SLC9B1: variants seen among roughly 807,000 people sequenced by gnomAD.
SLC9B1 encodes the protein sodium/hydrogen exchanger 9B1.
SLC9B1 carries 32 observed loss-of-function variants against 51.7 expected under a neutral mutation model. The ratio of observed to expected loss-of-function variants is 0.62; its 90% CI spans 0.47 to 0.83. The LOEUF (loss-of-function observed/expected upper bound fraction) is 0.83. SLC9B1 is among the 40% of genes least tolerant of loss of function. SLC9B1 has a pLI of 0.00. For synonymous variants in SLC9B1, 145 were observed against 212.7 expected (o/e 0.68, Z 2.77); for missense variants, 406 against 613.2 (o/e 0.66, Z 3.57).
At chr4:102,888,245 T>C (rs899967047) in intron 11 of SLC9B1, 1 of 152,254 alleles carries the variant, frequency 6.6e-6, no homozygotes, top group Non-Finnish European at 1.5e-5. Context: ...GATATTTTTC[T>C]CTTTTTAACA....
At chr4:102,990,459 C>G (rs919166047) in intron 2 of SLC9B1, among the ~76,000 whole-genome samples, 5 of 151,930 alleles carry the variant, frequency 3.3e-5, no homozygotes, top group African/African-American at 1.2e-4. Context: ...AAGGGTATAC[C>G]TTAATCTCCC....
At chr4:102,897,800 A>G (rs1734608706), downstream of SLC9B1, 6 of 457,466 alleles carry the variant, frequency 1.3e-5, no homozygotes, top group Non-Finnish European at 2.6e-5. Context: ...AACACAGACA[A>G]TAGGAGCACA....
chr4:102,985,092 A>T (rs1010176057), intron 3 of SLC9B1, among the ~76,000 whole-genome samples: 4 of 152,208 alleles, frequency 2.6e-5, no homozygotes, highest in Admixed American at 6.5e-5. Flanking sequence ...TTTATTCCTG[A>T]TAACACTCAT....
intron 7 of SLC9B1, among the ~76,000 whole-genome samples, chr4:102,919,034 C>CA (rs1664628196): frequency 6.6e-6 from 1 of 152,156 alleles, no homozygotes; most frequent in South Asian, 2.1e-4. Context: ...AGTGCAGTCC[C>CA]AAGACTGCAC....
chr4:102,991,700 T>G lies in SLC9B1; in HGVS notation c.12A>C (p.Thr4=). Residue 4 remains threonine (T), a synonymous_variant, in exon 2 of 12, where the codon ACA becomes ACC. Transcript: ENST00000296422. ...CCTCCAAATGTTCATTTTTTGATTC[T>G]GTGGTATGCATGCTAAGATTTAAAA... MHT[T]ESKNEHLEDE... The G allele has an allele frequency of 6.3e-7, 1 of 1,583,650 alleles. No homozygotes were observed. Among genetic ancestry groups the G allele is most frequent in the Non-Finnish European group, 8.6e-7 (1 of 1,162,754 alleles).
chr4:102,901,379 A>G, intron 11 of SLC9B1, 47 bp from the exon 12 acceptor site: 2 of 1,601,776 alleles, frequency 1.2e-6, no homozygotes, highest in Non-Finnish European at 1.7e-6. Flanking sequence ...TATTAAACTG[A>G]GTTGATATAT....
At chr4:103,015,011 T>C (rs1741247760) in intron 1 of SLC9B1, 1 of 152,200 alleles carries the variant, frequency 6.6e-6, no homozygotes, top group African/African-American at 2.4e-5. Context: ...TGTCTATTAT[T>C]ATTATTGTTA....
At chr4:103,005,659 T>C (rs1313714271) in intron 1 of SLC9B1, among the ~76,000 whole-genome samples, 1 of 152,194 alleles carries the variant, frequency 6.6e-6, no homozygotes, top group Non-Finnish European at 1.5e-5. Context: ...TATACATTAT[T>C]CTCATCTGCA....
intron 1 of SLC9B1, among the ~76,000 whole-genome samples, chr4:103,001,350 C>A (rs1409930855): frequency 6.6e-6 from 1 of 152,238 alleles, no homozygotes; most frequent in African/African-American, 2.4e-5. Context: ...TTGAACTTCT[C>A]CCCCAAAAAT....
At chr4:102,934,072 A>C (rs1014722948) in intron 6 of SLC9B1, among the ~76,000 whole-genome samples, 20 of 152,186 alleles carry the variant, frequency 1.3e-4, no homozygotes, top group African/African-American at 4.6e-4. Flanking sequence ...TGCCCGGCCA[A>C]AGCCTCAATA....
rs1280628845 is a variant in SLC9B1 at position 102,904,984 on chromosome 4, A to C, written c.1332+530T>G. On this transcript the variant is annotated intron_variant, in intron 11 of 11. Transcript: ENST00000296422. ...GGGCAACAGAGTGAGACTCTGTCTCAAAAAAAAAAACAATAAAAAAGCAGT... is the reference window on the plus strand; with the variant it reads ...GGGCAACAGAGTGAGACTCTGTCTCCAAAAAAAAAACAATAAAAAAGCAGT... Among the ~76,000 whole-genome samples, 4 of 28,736 alleles carry C rather than the reference A, an allele frequency of 1.4e-4. No homozygotes were observed. In the African/African-American group the frequency reaches 1.8e-3, roughly 13 times the overall value. 18.9% of individuals were successfully genotyped at this position (28,736 alleles called of 152,430 possible). A position where few individuals can be genotyped will look rare whatever the true frequency, so the allele number is the denominator to read the frequency against.
chr4:103,014,867 C>T (rs1296210435), intron 1 of SLC9B1: 3 of 152,172 alleles, frequency 2.0e-5, no homozygotes, highest in African/African-American at 7.2e-5. Context: ...CTGCCACTTA[C>T]TAGGTATATG....
intron 2 of SLC9B1, among the ~76,000 whole-genome samples, chr4:102,990,150 A>G (rs1367575734): frequency 1.3e-5 from 2 of 152,028 alleles, no homozygotes; most frequent in Non-Finnish European, 2.9e-5. Flanking sequence ...TGAACCTTTT[A>G]TAGACTTGGG....
At chr4:102,934,730 C>T (rs956972883) in intron 6 of SLC9B1, among the ~76,000 whole-genome samples, 7 of 135,814 alleles carry the variant, frequency 5.2e-5, no homozygotes, top group African/African-American at 1.4e-4. Context: ...CACGCCACTG[C>T]ACTACAGCCT....
intron 1 of SLC9B1, among the ~76,000 whole-genome samples, chr4:103,017,493 C>T (rs1290590323): frequency 7.9e-5 from 12 of 152,164 alleles, no homozygotes. Flanking sequence ...CAAGCTCATC[C>T]TGTACCACTT....
chr4:102,917,178 C>T (rs965911477), intron 7 of SLC9B1, among the ~76,000 whole-genome samples: 1 of 152,178 alleles, frequency 6.6e-6, no homozygotes, highest in East Asian at 1.9e-4. Flanking sequence ...CTTGCATCAG[C>T]AGCCTTTTGG....
At chr4:102,955,899 A>AAG (rs58779428) in intron 3 of SLC9B1, among the ~76,000 whole-genome samples, 135 of 107,954 alleles carry the variant, frequency 1.3e-3, no homozygotes, top group East Asian at 9.2e-3. Flanking sequence ...GAAAGAAAGA[A>AAG]AGAGAGAGAA....
At chr4:102,903,841 A>G (rs1734900629) in intron 11 of SLC9B1, among the ~76,000 whole-genome samples, 1 of 152,202 alleles carries the variant, frequency 6.6e-6, no homozygotes, top group African/African-American at 2.4e-5. Flanking sequence ...CACTGTGTTA[A>G]GTGCCAGGGA....
At chr4:102,913,796 T>TAAAAAAAAAAAAAAAAAAAAA (rs61244946) in intron 7 of SLC9B1, among the ~76,000 whole-genome samples, 1 of 71,452 alleles carries the variant, frequency 1.4e-5, no homozygotes, top group Non-Finnish European at 2.8e-5. Context: ...AGATAGAAAC[T>TAAAAAAAAAAAAAAAAAAAAA]AAAAAAAAAA....
Sources: allele counts gnomAD v4.1 joint callset (sites outside exome capture counted in the v4.1 genomes callset), GRCh38; gene constraint gnomAD v4.1.1; transcripts MANE v1.5; gene names NCBI Gene and HGNC (gene_info 2026-07-23, HGNC 2026-07-21).